The following ZNF776 variants were observed in gnomAD, a reference collection of about 807,000 sequenced individuals.
The protein encoded by ZNF776 is zinc finger protein 776.
In ZNF776, 4 loss-of-function variants were observed where a neutral mutation model predicts 7.0. The ratio of observed to expected loss-of-function variants is 0.57; its 90% CI spans 0.28 to 1.31. The LOEUF (loss-of-function observed/expected upper bound fraction) is 1.31. Among genes scored for constraint, ZNF776 ranks in the 50% most tolerant of loss-of-function variants. The pLI, the probability that ZNF776 is intolerant of heterozygous loss-of-function variation, is 0.10. For synonymous variants in ZNF776, 212 were observed against 213.7 expected (o/e 0.99, Z 0.07); for missense variants, 555 against 625.9 (o/e 0.89, Z 1.21).
intron 1 of ZNF776, among the ~76,000 whole-genome samples, chr19:57,750,195 G>A (rs1339390058): frequency 6.6e-6 from 1 of 151,750 alleles, no homozygotes; most frequent in South Asian, 2.1e-4. Flanking sequence ...AGGCTGAGGT[G>A]GGTGAATCAC....
rs1487608183 is a variant in ZNF776, at chr19:57,753,481, G to A, written c.351G>A (p.Gly117=). The A allele has an allele frequency of 4.3e-6, 7 of 1,613,948 alleles. No individual in the cohort carries two copies. The African/African-American group carries it at 9.3e-5, about 22-fold the overall frequency. The change falls in exon 3 of 3, where the codon GGG becomes GGA. Residue 117 remains glycine (G), a synonymous_variant. Transcript: ENST00000317178. ...ACAATCAGAAATTGAATGGGTTTGG[G>A]GCATATGAAAAAAAATTGGATGACG... ...TQHNQKLNGF[G]AYEKKLDDDA...
chr19:57,747,029 C>T lies in ZNF776; in HGVS notation c.-30C>T, dbSNP rs1354945900. ...GGGTACCTGCACTGCTCGCCCCCTC[C>T]TTTCGACCCCGCTTTCCCCACCCAG... On this transcript the variant is annotated 5_prime_UTR_variant, in exon 1 of 3. Coordinates refer to ENST00000317178, the MANE Select transcript of ZNF776 (RefSeq NM_173632.4). 6.4e-7 allele frequency: 1 copy of T among 1,566,776 alleles called. No homozygotes were observed. The highest frequency in any genetic ancestry group is 8.7e-7 in the Non-Finnish European group (1 of 1,155,232).
rs1986583977 is a variant in ZNF776, at chr19:57,750,905, T to G, written c.154T>G (p.Ser52Ala). ...VMLENLTLISSLGCWYGAKDE... is the reference protein window; with the variant it reads ...VMLENLTLISALGCWYGAKDE... ...GCTGGAGAACCTGACACTTATATCTTCTCTAGGTAAGGCACTCACACTCTT... is the reference window on the plus strand; with the variant it reads ...GCTGGAGAACCTGACACTTATATCTGCTCTAGGTAAGGCACTCACACTCTT... Residue 52 changes from serine (S) to alanine (A), a missense_variant, in exon 2 of 3, where the codon TCT becomes GCT. By Grantham distance (99) the Ser-to-Ala change is moderately conservative. Coordinates refer to ENST00000317178, the MANE Select transcript of ZNF776 (RefSeq NM_173632.4). The G allele has an allele frequency of 6.2e-7, 1 of 1,608,740 alleles. No homozygotes were observed. The highest frequency in any genetic ancestry group is 1.7e-5 in the Admixed American group (1 of 59,470).
chr19:57,749,064 G>A (rs1439687209), intron 1 of ZNF776: 2 of 152,108 alleles, frequency 1.3e-5, no homozygotes. Context: ...CACCTCCCAG[G>A]TTCAAGTGAT....
rs1367802369 is a variant in ZNF776 at position 57,754,380 on chromosome 19, C to T, written c.1250C>T (p.Ser417Leu). Residue 417 changes from serine to leucine, a missense_variant, in exon 3 of 3, where the codon TCA becomes TTA. By Grantham distance (145) the Ser-to-Leu change is moderately radical (BLOSUM62 -2). Coordinates refer to ENST00000317178, the MANE Select transcript of ZNF776 (RefSeq NM_173632.4). ...TGTAGGAAATCATTTAGGTACAAGT[C>T]ACACCTCACTGAACACCAGAGAGTT... ...KECRKSFRYK[S>L]HLTEHQRVHT... The T allele has an allele frequency of 1.2e-6, 2 of 1,613,804 alleles. No individual in the cohort carries two copies. The highest frequency in any genetic ancestry group is 1.7e-6 in the Non-Finnish European group (2 of 1,179,986).
chr19:57,748,319 A>C (rs1165935147), intron 1 of ZNF776, among the ~76,000 whole-genome samples: 2 of 152,210 alleles, frequency 1.3e-5, no homozygotes, highest in Non-Finnish European at 2.9e-5. Flanking sequence ...TAGCTATGGA[A>C]GCTGCATCAG....
At position 57,754,695 on chromosome 19, in the gene ZNF776, G is replaced by T; in HGVS notation, c.*8G>T. On this transcript the variant is annotated 3_prime_UTR_variant, in exon 3 of 3. Transcript: ENST00000317178. ...AGACATCATGAATGTTGAAAATTTG[G>T]CAGATCTGTTGGTAAAAAGAGCACC... 6.2e-7 allele frequency: 1 copy of T among 1,603,838 alleles called. No homozygotes were observed. Among genetic ancestry groups the T allele is most frequent in the Admixed American group, 1.7e-5 (1 of 59,552 alleles).
chr19:57,753,183 A>G lies in ZNF776; in HGVS notation c.161-108A>G, dbSNP rs1335582740. ...GGGTGCTATATAAAAGGATATGTCT[A>G]GGCCCAAGTAAATATAAGTACAACA... On this transcript the variant is annotated intron_variant, in intron 2 of 2. Transcript: ENST00000317178. The G allele has an allele frequency of 9.5e-6, 10 of 1,051,192 alleles. No individual in the cohort carries two copies. The South Asian group carries it at 1.1e-4, about 11-fold the overall frequency. 65.1% of individuals were successfully genotyped at this position (1,051,192 alleles called of 1,614,324 possible). A position where few individuals can be genotyped will look rare whatever the true frequency, so the allele number is the denominator to read the frequency against.
rs1986751092 is a variant in ZNF776, at chr19:57,755,500, C to T, written c.*813C>T. ...CAGACAAGCTCCTGCTGTGGAAGTG[C>T]CTTTTGAGTGCAGAGCATTTGCGAG... On this transcript the variant is annotated 3_prime_UTR_variant, in exon 3 of 3. Coordinates refer to ENST00000317178, the MANE Select transcript of ZNF776 (RefSeq NM_173632.4). 1 of 152,174 alleles carries T rather than the reference C, an allele frequency of 6.6e-6. No homozygotes were observed. Among genetic ancestry groups the T allele is most frequent in the South Asian group, 2.1e-4 (1 of 4,830 alleles). 9.4% of individuals were successfully genotyped at this position (152,174 alleles called of 1,614,324 possible). A position where few individuals can be genotyped will look rare whatever the true frequency, so the allele number is the denominator to read the frequency against.
Position 57,746,932 on chromosome 19 carries a change from AGGC to A in ZNF776, c.-126_-124del. The A allele has an allele frequency of 5.4e-6, 5 of 931,226 alleles. No homozygotes were observed. Among genetic ancestry groups the A allele is most frequent in the South Asian group, 1.8e-5 (1 of 56,742 alleles). The allele number at this position is 931,226 out of a possible 1,614,324, so 57.7% of individuals were successfully genotyped here. ...ACGAGACGTTGTCCCGACTGCACAG[AGGC>A]TGCTCTGCAGCTCCTTAAAGGCGCT... On this transcript the variant is annotated 5_prime_UTR_variant, in exon 1 of 3. It adds an upstream start codon to the 5' untranslated region. Transcript: ENST00000317178.
Position 57,746,878 on chromosome 19 carries a change from G to A in ZNF776, c.-181G>A, listed in dbSNP as rs974393899. On this transcript the variant is annotated 5_prime_UTR_variant, in exon 1 of 3. Transcript: ENST00000317178. Reference sequence around the variant, plus strand: ...GAGAGACCGCGGAGTGTTGGGTCGTGTAGAAGTGACTGAACCCAGAAGGTG... The same window carrying A: ...GAGAGACCGCGGAGTGTTGGGTCGTATAGAAGTGACTGAACCCAGAAGGTG... 1 of 567,082 alleles carries A rather than the reference G, an allele frequency of 1.8e-6. No individual in the cohort carries two copies. The highest frequency in any genetic ancestry group is 3.1e-6 in the Non-Finnish European group (1 of 320,056). 35.1% of individuals were successfully genotyped at this position (567,082 alleles called of 1,614,324 possible). A position where few individuals can be genotyped will look rare whatever the true frequency, so the allele number is the denominator to read the frequency against.
Position 57,756,774 on chromosome 19 carries a change from G to A in ZNF776, c.*2087G>A. The stretch of plus-strand genomic sequence containing the variant: ...GAAATCTGTTCTCAAGTCCTACAGT[G>A]CATTCATGTGTCCTGAAGTCCAGAA... On this transcript the variant is annotated 3_prime_UTR_variant, in exon 3 of 3. Coordinates refer to ENST00000317178, the MANE Select transcript of ZNF776 (RefSeq NM_173632.4). 2 of 413,882 alleles carry A rather than the reference G, an allele frequency of 4.8e-6. No homozygotes were observed. The highest frequency in any genetic ancestry group is 1.8e-5 in the South Asian group (1 of 55,676). 25.6% of individuals were successfully genotyped at this position (413,882 alleles called of 1,614,324 possible). A position where few individuals can be genotyped will look rare whatever the true frequency, so the allele number is the denominator to read the frequency against.
At position 57,753,727 on chromosome 19, in the gene ZNF776, AC is replaced by A; in HGVS notation, c.601del (p.Leu201PhefsTer191). The A allele has an allele frequency of 6.2e-7, 1 of 1,614,212 alleles. No homozygotes were observed. Among genetic ancestry groups the A allele is most frequent in the African/African-American group, 1.3e-5 (1 of 75,058 alleles). ...KSNFETKHGI[P>X]LQGGKTHYIC... ...CAAACTTTGAAACTAAGCATGGGAT[AC>A]CCCTTCAGGGTGGAAAAACTCATTA... On this transcript the variant is annotated frameshift_variant, in exon 3 of 3. Coordinates refer to ENST00000317178, the MANE Select transcript of ZNF776 (RefSeq NM_173632.4). LOFTEE classifies it low-confidence loss of function (END_TRUNC).
rs530563495 is a variant in ZNF776, at chr19:57,756,820, C to T, written c.*2133C>T. 8 of 450,542 alleles carry T rather than the reference C, an allele frequency of 1.8e-5. No homozygotes were observed. Among genetic ancestry groups the T allele is most frequent in the East Asian group, 7.0e-5 (1 of 14,336 alleles). 27.9% of individuals were successfully genotyped at this position (450,542 alleles called of 1,614,324 possible). ...CAGAATTCTGTAGGATAGTGTCCTA[C>T]GTTATAAGCCTGGAGAAAGAAATCA... On this transcript the variant is annotated 3_prime_UTR_variant, in exon 3 of 3. Transcript: ENST00000317178.
intron 1 of ZNF776, among the ~76,000 whole-genome samples, chr19:57,748,187 GC>G (rs1177706897): frequency 6.6e-6 from 1 of 152,132 alleles, no homozygotes; most frequent in African/African-American, 2.4e-5. Flanking sequence ...AAGATTCATG[GC>G]TAAGGAGATG....
At position 57,757,784 on chromosome 19, in the gene ZNF776, C is replaced by G. The variant is rs1395867749; in HGVS notation, c.*3097C>G. 3 of 152,104 alleles carry G rather than the reference C, an allele frequency of 2.0e-5. No individual in the cohort carries two copies. Among genetic ancestry groups the G allele is most frequent in the Admixed American group, 2.0e-4 (3 of 15,266 alleles). The allele number at this position is 152,104 out of a possible 1,614,324, so 9.4% of individuals were successfully genotyped here. A position where few individuals can be genotyped will look rare whatever the true frequency, so the allele number is the denominator to read the frequency against. ...CTGTCTCTTAAAAAATAAATACTAT[C>G]TTTCTCTCTGGCCTCTCCATGCTCC... is the stretch of plus-strand genomic sequence containing the variant. On this transcript the variant is annotated 3_prime_UTR_variant, in exon 3 of 3. Coordinates refer to ENST00000317178, the MANE Select transcript of ZNF776 (RefSeq NM_173632.4).
rs984776415 is a variant in ZNF776, at chr19:57,756,605, A to G, written c.*1918A>G. On this transcript the variant is annotated 3_prime_UTR_variant, in exon 3 of 3. Coordinates refer to ENST00000317178, the MANE Select transcript of ZNF776 (RefSeq NM_173632.4). ...AGGGCTTTGTGATCTTTATTTTTAG[A>G]TGAAATAGTGCAATAATATGTGTTT... 2 of 170,354 alleles carry G rather than the reference A, an allele frequency of 1.2e-5. No individual in the cohort carries two copies. The highest frequency in any genetic ancestry group is 4.8e-5 in the African/African-American group (2 of 41,676). 10.6% of individuals were successfully genotyped at this position (170,354 alleles called of 1,614,324 possible). A position where few individuals can be genotyped will look rare whatever the true frequency, so the allele number is the denominator to read the frequency against.
rs1391787786 is a variant in ZNF776 at position 57,757,888 on chromosome 19, A to G, written c.*3201A>G. 2.0e-5 allele frequency: 3 copies of G among 152,182 alleles called. No homozygotes were observed. Among genetic ancestry groups the G allele is most frequent in the South Asian group, 4.1e-4 (2 of 4,832 alleles). 9.4% of individuals were successfully genotyped at this position (152,182 alleles called of 1,614,324 possible). ...TGGAATTTTATATGACTGATATAAC[A>G]TGTTTCCTCTTTTCATACCTGAGTA... On this transcript the variant is annotated 3_prime_UTR_variant, in exon 3 of 3. Transcript: ENST00000317178.
rs1226040781 is a variant in ZNF776, at chr19:57,754,433, A to G, written c.1303A>G (p.Arg435Gly). Residue 435 changes from arginine to glycine, a missense_variant, in exon 3 of 3, where the codon AGA (arginine) becomes GGA (glycine). Coordinates refer to ENST00000317178, the MANE Select transcript of ZNF776 (RefSeq NM_173632.4). ...CACTGGAGAAAGGCCATATGAGTGTAGAGAATGTGGGAAATGTTTTCATCA... is the reference window on the plus strand; with the variant it reads ...CACTGGAGAAAGGCCATATGAGTGTGGAGAATGTGGGAAATGTTTTCATCA... ...VHTGERPYEC[R>G]ECGKCFHQKG... 3 of 1,613,712 alleles carry G rather than the reference A, an allele frequency of 1.9e-6. No homozygotes were observed. The highest frequency in any genetic ancestry group is 2.7e-5 in the African/African-American group (2 of 74,830).
Sources: allele counts gnomAD v4.1 joint callset (sites outside exome capture counted in the v4.1 genomes callset), GRCh38; gene constraint gnomAD v4.1.1; transcripts MANE v1.5; gene names NCBI Gene and HGNC (gene_info 2026-07-23, HGNC 2026-07-21).